The following CSMD2 variants were observed in gnomAD, a reference collection of about 807,000 sequenced individuals.
CSMD2 encodes CUB and sushi domain-containing protein 2.
A neutral mutation model predicts 398.5 loss-of-function variants in CSMD2; 130 were observed. The ratio of observed to expected loss-of-function variants is 0.33; its 90% CI spans 0.28 to 0.38. The LOEUF is 0.38. Ranked by LOEUF, CSMD2 falls within the 10% of genes least tolerant of loss-of-function variation. CSMD2 has a pLI of 1.00. For synonymous variants in CSMD2, 1,828 were observed against 1,908.5 expected, an observed-to-expected ratio of 0.96 and a Z score of 1.10; for missense variants, 3,829 against 4,764.9, an observed-to-expected ratio of 0.80 and a Z score of 5.78.
chr1:34,087,788 T>C (rs958021852), intron 2 of CSMD2, among the ~76,000 whole-genome samples: 10 of 152,146 alleles, frequency 6.6e-5, no homozygotes, highest in Non-Finnish European at 1.5e-4. Flanking sequence ...TTTGTTTTTC[T>C]CACTGCTATT....
At chr1:33,988,303 G>A (rs1042847812) in intron 3 of CSMD2, among the ~76,000 whole-genome samples, 6 of 152,208 alleles carry the variant, frequency 3.9e-5, no homozygotes, top group African/African-American at 7.2e-5. Flanking sequence ...TGGCACATGA[G>A]CTCTGCAGAG....
chr1:33,805,612 T>C (rs1173438612), intron 10 of CSMD2, among the ~76,000 whole-genome samples: 8 of 152,156 alleles, frequency 5.3e-5, no homozygotes, highest in African/African-American at 1.9e-4. Context: ...TATTTGAAGA[T>C]GGGGCTTTTA....
intron 35 of CSMD2, among the ~76,000 whole-genome samples, chr1:33,623,794 C>T (rs4652956): frequency 0.14 from 22,046 of 152,210 alleles, 2,097 homozygotes; most frequent in Admixed American, 0.22. Flanking sequence ...TTGGGTTTCC[C>T]CACTTTCCTG....
intron 12 of CSMD2, among the ~76,000 whole-genome samples, chr1:33,777,043 A>C (rs944808658): frequency 6.6e-6 from 1 of 152,050 alleles, no homozygotes; most frequent in African/African-American, 2.4e-5. Context: ...GGAGGGGTAG[A>C]AAGTGTCAGA....
In CSMD2 at chr1:33,966,317, T is replaced by G. The variant is rs367639053; in HGVS notation, c.518-30363A>C. Among the ~76,000 whole-genome samples the G allele has an allele frequency of 7.9e-5, 12 of 152,322 alleles. No individual in the cohort carries two copies. In the East Asian group the frequency reaches 2.1e-3, roughly 27 times the overall value. The stretch of plus-strand genomic sequence containing the variant: ...CATGAAAATTTTCTGCCCTGATGGT[T>G]GCAAATCCTTGAAGGCCTGGTCTAC... On this transcript the variant is annotated intron_variant, in intron 3 of 70. Coordinates refer to ENST00000373381, the MANE Select transcript of CSMD2 (RefSeq NM_001281956.2).
intron 5 of CSMD2, among the ~76,000 whole-genome samples, chr1:33,886,268 G>A (rs929454729): frequency 1.3e-5 from 2 of 152,140 alleles, no homozygotes; most frequent in Non-Finnish European, 2.9e-5. Context: ...GGTCACACTG[G>A]ACCAGAATAG....
intron 13 of CSMD2, among the ~76,000 whole-genome samples, chr1:33,745,283 G>A (rs920736926): frequency 3.9e-5 from 6 of 152,082 alleles, no homozygotes; most frequent in African/African-American, 1.4e-4. Context: ...CAGGGTCGTA[G>A]GCGTTCAAAA....
At position 34,055,625 on chromosome 1, in the gene CSMD2, AG is replaced by A. The variant is rs570493113; in HGVS notation, c.405-22920del. Among the ~76,000 whole-genome samples, 191 of 152,330 alleles carry A rather than the reference AG, an allele frequency of 1.3e-3. 1 individual carries two copies. The highest frequency in any genetic ancestry group is 2.2e-3 in the Non-Finnish European group (148 of 68,024). On this transcript the variant is annotated intron_variant, in intron 2 of 70. Transcript: ENST00000373381. ...AAGGATACCAATGAACACCAGATGAAGAGATGGAGAGGCCAAGGTATGGAGG... is the reference window on the plus strand; with the variant it reads ...AAGGATACCAATGAACACCAGATGAAAGATGGAGAGGCCAAGGTATGGAGG...
chr1:34,118,602 C>T (rs1292937602), intron 1 of CSMD2, among the ~76,000 whole-genome samples: 1 of 152,188 alleles, frequency 6.6e-6, no homozygotes. Flanking sequence ...CATTTCTATA[C>T]ATGAACAATG....
intron 3 of CSMD2, among the ~76,000 whole-genome samples, chr1:34,010,418 T>A (rs1647211259): frequency 6.6e-6 from 1 of 152,200 alleles, no homozygotes; most frequent in South Asian, 2.1e-4. Context: ...TTTACCTGCA[T>A]TCTCCTGTTA....
At chr1:33,851,165 A>G (rs1638682459) in intron 5 of CSMD2, among the ~76,000 whole-genome samples, 2 of 152,154 alleles carry the variant, frequency 1.3e-5, no homozygotes, top group African/African-American at 4.8e-5. Flanking sequence ...ATATTTTGTA[A>G]AAGGCACTGT....
chr1:34,007,128 G>C (rs1447166696), intron 3 of CSMD2, among the ~76,000 whole-genome samples: 1 of 152,066 alleles, frequency 6.6e-6, no homozygotes, highest in Non-Finnish European at 1.5e-5. Context: ...CATCCAAGAT[G>C]ATAAGCAGAG....
intron 1 of CSMD2, among the ~76,000 whole-genome samples, chr1:34,137,193 T>A (rs1638839404): frequency 6.6e-6 from 1 of 151,800 alleles, no homozygotes; most frequent in Admixed American, 6.6e-5. Context: ...CGTCCACCCA[T>A]CCATTCAGCA....
intron 13 of CSMD2, among the ~76,000 whole-genome samples, chr1:33,764,254 G>C (rs1650201748): frequency 6.6e-6 from 1 of 152,082 alleles, no homozygotes; most frequent in African/African-American, 2.4e-5. Context: ...AGCTCTTTCA[G>C]CCCTGGACTC....
chr1:34,047,921 C>T (rs1324808950), intron 2 of CSMD2, among the ~76,000 whole-genome samples: 1 of 152,220 alleles, frequency 6.6e-6, no homozygotes, highest in Non-Finnish European at 1.5e-5. Flanking sequence ...ACTTGTTTGC[C>T]ATGACTGCTT....
intron 15 of CSMD2, among the ~76,000 whole-genome samples, chr1:33,731,764 T>A (rs1258408565): frequency 6.6e-6 from 1 of 152,214 alleles, no homozygotes; most frequent in African/African-American, 2.4e-5. Flanking sequence ...TATTAGCCAA[T>A]CATGGAAATT....
chr1:33,602,591 C>T (rs372748263), intron 42 of CSMD2, 45 bp from the exon 43 acceptor site: 182 of 1,463,810 alleles, frequency 1.2e-4, no homozygotes, highest in Non-Finnish European at 1.6e-4. Context: ...CCTCGGTACC[C>T]ACCTGAGAAT....
At chr1:33,522,087 C>A (rs1302002785) in intron 67 of CSMD2, among the ~76,000 whole-genome samples, 1 of 152,166 alleles carries the variant, frequency 6.6e-6, no homozygotes, top group Admixed American at 6.5e-5. Flanking sequence ...GGGGACATAA[C>A]TCCTGCTACT....
rs115248510 is a variant in CSMD2 at position 33,783,676 on chromosome 1, G to A, written c.1663+4924C>T. Among the ~76,000 whole-genome samples, 715 of 152,204 alleles carry A rather than the reference G, an allele frequency of 4.7e-3. 7 individuals carry two copies. The highest frequency in any genetic ancestry group is 0.016 in the African/African-American group (684 of 41,530). On this transcript the variant is annotated intron_variant, in intron 12 of 70. Coordinates refer to ENST00000373381, the MANE Select transcript of CSMD2 (RefSeq NM_001281956.2). The stretch of plus-strand genomic sequence containing the variant: ...GGCCTCCTATTAAAACAGTACAACC[G>A]TTATCTTTACCCCAGGGGACATTGT...
Sources: gnomAD v4.1 joint callset for allele counts (sites outside exome capture counted in the v4.1 genomes callset) on GRCh38, gnomAD v4.1.1 for gene constraint, MANE v1.5 for transcripts, NCBI Gene and HGNC (gene_info 2026-07-23, HGNC 2026-07-21) for gene names.